The following HS6ST3 variants were observed in gnomAD, a reference collection of about 807,000 sequenced individuals.
HS6ST3 encodes the protein heparan sulfate 6-O-sulfotransferase 3.
In HS6ST3, 12 loss-of-function variants were observed where a neutral mutation model predicts 36.7. The observed-to-expected ratio is 0.33, with a 90% CI of 0.21 to 0.53. The LOEUF (loss-of-function observed/expected upper bound fraction) is 0.53. Ranked by LOEUF, HS6ST3 falls within the 20% of genes least tolerant of loss-of-function variation. HS6ST3 has a pLI of 0.95. For missense variants in HS6ST3, 584 were observed against 640.9 expected, an observed-to-expected ratio of 0.91 and a Z score of 0.96; for synonymous variants, 240 against 257.5, an observed-to-expected ratio of 0.93 and a Z score of 0.65.
At chr13:96,332,548 T>C (rs2055076939) in intron 1 of HS6ST3, among the ~76,000 whole-genome samples, 1 of 152,204 alleles carries the variant, frequency 6.6e-6, no homozygotes, top group African/African-American at 2.4e-5. Context: ...TGTTCCCTTG[T>C]TTTAGGTGGA....
rs146577506 is a variant in HS6ST3 at position 96,454,519 on chromosome 13, C to T, written c.707+362950C>T. Among the ~76,000 whole-genome samples, 342 of 152,244 alleles carry T rather than the reference C, an allele frequency of 2.2e-3. 2 individuals are homozygous for T. The highest frequency in any genetic ancestry group is 7.9e-3 in the African/African-American group (330 of 41,542). On this transcript the variant is annotated intron_variant, in intron 1 of 1. Coordinates refer to ENST00000376705, the MANE Select transcript of HS6ST3 (RefSeq NM_153456.4). ...ATTATTCATAATACTAACTATATGT[C>T]AGATCAATGTTTTTAAGTTGCATTG...
chr13:96,516,360 T>G (rs1053176643), intron 1 of HS6ST3, among the ~76,000 whole-genome samples: 3 of 152,104 alleles, frequency 2.0e-5, no homozygotes, highest in Non-Finnish European at 4.4e-5. Context: ...CGGCCAACAT[T>G]TATATCATAC....
chr13:96,206,666 C>G lies in HS6ST3; in HGVS notation c.707+115097C>G, dbSNP rs555108526. ...CAGAAATAAGATCACACATCTACAA[C>G]CATCTGATCTTCAGCAAATCTGACA... On this transcript the variant is annotated intron_variant, in intron 1 of 1. Coordinates refer to ENST00000376705, the MANE Select transcript of HS6ST3 (RefSeq NM_153456.4). 1.6e-4 allele frequency among the ~76,000 whole-genome samples: 25 copies of G among 152,262 alleles called. No individual in the cohort carries two copies. In the South Asian group the frequency reaches 3.9e-3, roughly 24 times the overall value.
chr13:96,254,444 A>C (rs2054624134), intron 1 of HS6ST3, among the ~76,000 whole-genome samples: 1 of 34,900 alleles, frequency 2.9e-5, no homozygotes, highest in Non-Finnish European at 5.6e-5. Flanking sequence ...AAAAAAAAAA[A>C]AAAAATATAT....
chr13:96,203,616 C>A (rs926150654), intron 1 of HS6ST3, among the ~76,000 whole-genome samples: 1 of 152,204 alleles, frequency 6.6e-6, no homozygotes, highest in African/African-American at 2.4e-5. Flanking sequence ...CCTCACACCC[C>A]CTTCTTACTT....
chr13:96,349,579 T>C (rs1015613343), intron 1 of HS6ST3, among the ~76,000 whole-genome samples: 1 of 152,218 alleles, frequency 6.6e-6, no homozygotes, highest in African/African-American at 2.4e-5. Context: ...CTTCTGAAAG[T>C]GTATTAATGG....
In HS6ST3 at chr13:96,451,815, G is replaced by T. The variant is rs939790690; in HGVS notation, c.707+360246G>T. On this transcript the variant is annotated intron_variant, in intron 1 of 1. Transcript: ENST00000376705. ...AGGTTGGGATTAAATGTACAGAAAA[G>T]GAAATTTATACTAGGAGGTTTTTCC... 2.6e-5 allele frequency among the ~76,000 whole-genome samples: 4 copies of T among 152,110 alleles called. No homozygotes were observed. The East Asian group carries it at 5.8e-4, about 22-fold the overall frequency.
chr13:96,432,427 T>C (rs1210182955), intron 1 of HS6ST3, among the ~76,000 whole-genome samples: 1 of 152,196 alleles, frequency 6.6e-6, no homozygotes, highest in East Asian at 1.9e-4. Context: ...TTAAAAGATA[T>C]CTTTTCTAGT....
intron 1 of HS6ST3, among the ~76,000 whole-genome samples, chr13:96,206,857 T>G (rs977511749): frequency 2.6e-5 from 4 of 152,096 alleles, no homozygotes; most frequent in Admixed American, 6.6e-5. Flanking sequence ...ATAAAAATCC[T>G]AGAAGAAAAT....
chr13:96,351,797 T>C (rs1458537170), intron 1 of HS6ST3, among the ~76,000 whole-genome samples: 1 of 152,210 alleles, frequency 6.6e-6, no homozygotes, highest in Non-Finnish European at 1.5e-5. Flanking sequence ...GAAATTATTA[T>C]TTGCATATGG....
intron 1 of HS6ST3, among the ~76,000 whole-genome samples, chr13:96,120,745 A>G (rs2053921522): frequency 6.6e-6 from 1 of 152,182 alleles, no homozygotes; most frequent in African/African-American, 2.4e-5. Flanking sequence ...TTTGTTTTTC[A>G]GTGTAAATTT....
At chr13:96,195,992 C>A (rs1465479856) in intron 1 of HS6ST3, among the ~76,000 whole-genome samples, 1 of 152,084 alleles carries the variant, frequency 6.6e-6, no homozygotes, top group African/African-American at 2.4e-5. Flanking sequence ...TCATAAATCC[C>A]AGGAACCAAA....
chr13:96,417,835 A>G (rs2139466094), intron 1 of HS6ST3, among the ~76,000 whole-genome samples: 1 of 151,652 alleles, frequency 6.6e-6, no homozygotes, highest in South Asian at 2.1e-4. Context: ...ATTAATACTA[A>G]TTGCTTTTAG....
chr13:96,257,306 A>G (rs1345985126), intron 1 of HS6ST3, among the ~76,000 whole-genome samples: 3 of 152,198 alleles, frequency 2.0e-5, no homozygotes, highest in Non-Finnish European at 2.9e-5. Context: ...CAGTCAAGTA[A>G]TAACACCTGT....
intron 1 of HS6ST3, among the ~76,000 whole-genome samples, chr13:96,629,824 A>T (rs1034156903): frequency 3.3e-5 from 5 of 152,070 alleles, no homozygotes; most frequent in Middle Eastern, 3.4e-3. Context: ...CATTTGCTAA[A>T]TGCAATGTTT....
chr13:96,165,559 T>C (rs2054156339), intron 1 of HS6ST3, among the ~76,000 whole-genome samples: 1 of 152,192 alleles, frequency 6.6e-6, no homozygotes, highest in African/African-American at 2.4e-5. Context: ...ACTGCAGAGA[T>C]GTAGTAGCTC....
intron 1 of HS6ST3, among the ~76,000 whole-genome samples, chr13:96,684,757 A>G (rs1249201499): frequency 6.6e-6 from 1 of 152,054 alleles, no homozygotes; most frequent in Non-Finnish European, 1.5e-5. Context: ...CATGACATAA[A>G]ATATACAGCT....
intron 1 of HS6ST3, among the ~76,000 whole-genome samples, chr13:96,601,143 G>A (rs149958384): frequency 2.0e-5 from 3 of 152,024 alleles, no homozygotes; most frequent in East Asian, 1.9e-4. Context: ...TATATGCTTC[G>A]GTGATGTCCT....
intron 1 of HS6ST3, among the ~76,000 whole-genome samples, chr13:96,358,794 G>T (rs184276461): frequency 6.6e-6 from 1 of 152,062 alleles, no homozygotes; most frequent in Non-Finnish European, 1.5e-5. Context: ...CTTCAAAGAC[G>T]CATGCTGAAA....
Sources: allele counts gnomAD v4.1 joint callset (sites outside exome capture counted in the v4.1 genomes callset), GRCh38; gene constraint gnomAD v4.1.1; transcripts MANE v1.5; gene names NCBI Gene and HGNC (gene_info 2026-07-23, HGNC 2026-07-21).